Variants in SGCG observed in about 807,000 individuals in gnomAD.
SGCG encodes gamma-sarcoglycan.
Under a neutral mutation model 29.3 loss-of-function variants are expected in SGCG, and 26 were observed. The observed-to-expected ratio is 0.89, with a 90% confidence interval of 0.65 to 1.23. The LOEUF (loss-of-function observed/expected upper bound fraction) is 1.23, where lower values mean the gene tolerates loss of function less well. Among genes scored for constraint, SGCG ranks in the 50% most tolerant of loss-of-function variants. The probability of loss-of-function intolerance (pLI) is 0.00; values close to 1 mark genes in which losing one functional copy is unlikely to be tolerated. For synonymous variants in SGCG, 145 were observed against 129.7 expected (o/e 1.12, Z -0.80); for missense variants, 353 against 356.0 (o/e 0.99, Z 0.07).
At chr13:23,274,359 A>G (rs1040020216) in intron 4 of SGCG, among the ~76,000 whole-genome samples, 18 of 149,074 alleles carry the variant, frequency 1.2e-4, no homozygotes, top group African/African-American at 4.2e-4. Flanking sequence ...TCTGCCTTTA[A>G]GTAATGCAAG....
chr13:23,236,834 C>A lies in SGCG; in HGVS notation c.297+2122C>A, dbSNP rs139812370. Among the ~76,000 whole-genome samples the A allele has an allele frequency of 1.4e-3, 213 of 152,028 alleles. 2 individuals carry two copies. Among genetic ancestry groups the A allele is most frequent in the African/African-American group, 4.9e-3 (204 of 41,398 alleles). On this transcript the variant is annotated intron_variant, in intron 3 of 7. Coordinates refer to ENST00000218867, the MANE Select transcript of SGCG (RefSeq NM_000231.3). The stretch of plus-strand genomic sequence containing the variant: ...ATGTGGCATTAATGAGTATGTCAAT[C>A]AACACATAAAATTCAGTAACAATTT...
intron 6 of SGCG, among the ~76,000 whole-genome samples, chr13:23,320,111 C>A (rs904219411): frequency 2.0e-4 from 31 of 152,114 alleles, no homozygotes; most frequent in African/African-American, 7.2e-4. Context: ...CATGTGTTGT[C>A]CTTAAATCTA....
intron 6 of SGCG, among the ~76,000 whole-genome samples, chr13:23,296,342 T>A (rs1317760092): frequency 6.6e-6 from 1 of 152,222 alleles, no homozygotes; most frequent in East Asian, 1.9e-4. Flanking sequence ...AAAATAACAT[T>A]ATAAAAACCA....
chr13:23,265,969 T>C (rs903525567), intron 4 of SGCG, among the ~76,000 whole-genome samples: 1 of 152,116 alleles, frequency 6.6e-6, no homozygotes, highest in African/African-American at 2.4e-5. Context: ...CACACACATG[T>C]TTATCACAGC....
At chr13:23,188,044 C>G (rs1877064234) in intron 1 of SGCG, among the ~76,000 whole-genome samples, 1 of 152,190 alleles carries the variant, frequency 6.6e-6, no homozygotes, top group Non-Finnish European at 1.5e-5. Flanking sequence ...GTATGTGCAG[C>G]CCTGATGCAG....
chr13:23,184,544 C>A (rs1876892437), intron 1 of SGCG, among the ~76,000 whole-genome samples: 1 of 152,174 alleles, frequency 6.6e-6, no homozygotes, highest in African/African-American at 2.4e-5. Context: ...CTCTGTTCTC[C>A]TTTGTAAATA....
At chr13:23,244,028 C>T (rs538960035) in intron 3 of SGCG, 2 of 151,904 alleles carry the variant, frequency 1.3e-5, no homozygotes, top group African/African-American at 4.8e-5. Context: ...GACTATTTTC[C>T]TTTTGAAACA....
the SGCG span, among the ~76,000 whole-genome samples, chr13:23,173,560 T>G: frequency 6.6e-6 from 1 of 152,244 alleles, no homozygotes; most frequent in Non-Finnish European, 1.5e-5. Flanking sequence ...TGTTCAGTTC[T>G]GCTATTTTCC....
chr13:23,223,017 G>C (rs541246077), intron 2 of SGCG, among the ~76,000 whole-genome samples: 1 of 152,002 alleles, frequency 6.6e-6, no homozygotes, highest in East Asian at 1.9e-4. Flanking sequence ...AGTGGCTCAC[G>C]CCTGTAATCC....
chr13:23,278,082 C>T (rs1390123935), intron 4 of SGCG, among the ~76,000 whole-genome samples: 2 of 152,068 alleles, frequency 1.3e-5, no homozygotes, highest in Admixed American at 1.3e-4. Flanking sequence ...GATTGGCTCG[C>T]CTTGGCCTGG....
chr13:23,171,820 C>T, the SGCG span, among the ~76,000 whole-genome samples: 6 of 152,194 alleles, frequency 3.9e-5, no homozygotes, highest in African/African-American at 1.4e-4. Flanking sequence ...CATTAATGCT[C>T]ACTCACCAGC....
At chr13:23,290,718 A>G (rs548254273) in intron 5 of SGCG, among the ~76,000 whole-genome samples, 4 of 152,206 alleles carry the variant, frequency 2.6e-5, no homozygotes, top group African/African-American at 9.6e-5. Flanking sequence ...TAAATGCTCA[A>G]TGAAGGTGTA....
rs532874190 is a variant in SGCG, at chr13:23,303,581, C to T, written c.578+8094C>T. Among the ~76,000 whole-genome samples, 10 of 152,288 alleles carry T rather than the reference C, an allele frequency of 6.6e-5. No individual in the cohort carries two copies. The South Asian group carries it at 1.0e-3, about 16-fold the overall frequency. On this transcript the variant is annotated intron_variant, in intron 6 of 7. Transcript: ENST00000218867. Reference sequence around the variant, plus strand: ...TAATGGAGTCTGTGGGGCACAGGATCAGAGAAGAGGGCATATGCCAGGAAA... The same window carrying T: ...TAATGGAGTCTGTGGGGCACAGGATTAGAGAAGAGGGCATATGCCAGGAAA...
intron 3 of SGCG, among the ~76,000 whole-genome samples, 154 bp from the exon 4 acceptor site, chr13:23,250,476 A>AT: frequency 6.6e-6 from 1 of 152,304 alleles, no homozygotes; most frequent in South Asian, 2.1e-4. Context: ...TGATTCAGGA[A>AT]TTTTTAATTG....
At chr13:23,180,172 G>A (rs539658452), upstream of SGCG, among the ~76,000 whole-genome samples, 5 of 152,146 alleles carry the variant, frequency 3.3e-5, no homozygotes, top group Non-Finnish European at 7.4e-5. Context: ...TAATCCTGCT[G>A]CAAACCAGGT....
intron 6 of SGCG, among the ~76,000 whole-genome samples, chr13:23,304,960 C>T (rs1882308841): frequency 8.0e-6 from 1 of 124,920 alleles, no homozygotes; most frequent in Non-Finnish European, 1.8e-5. Flanking sequence ...CGTGCACGTG[C>T]TCACAGGCTT....
At chr13:23,302,790 T>C (rs1476560372) in intron 6 of SGCG, among the ~76,000 whole-genome samples, 3 of 152,190 alleles carry the variant, frequency 2.0e-5, no homozygotes, top group Non-Finnish European at 4.4e-5. Flanking sequence ...CTAATAAATA[T>C]AGCTTATTAA....
chr13:23,229,977 G>A (rs1879044622), intron 2 of SGCG, among the ~76,000 whole-genome samples: 1 of 152,050 alleles, frequency 6.6e-6, no homozygotes, highest in Non-Finnish European at 1.5e-5. Flanking sequence ...TGTAAGGAAG[G>A]GGTCCAGTTT....
intron 1 of SGCG, among the ~76,000 whole-genome samples, chr13:23,191,133 T>C (rs557091293): frequency 6.6e-6 from 1 of 152,346 alleles, no homozygotes; most frequent in East Asian, 1.9e-4. Flanking sequence ...CTTCTTCATT[T>C]GACATCGAAA....
Sources: gnomAD v4.1 joint callset for allele counts (sites outside exome capture counted in the v4.1 genomes callset) on GRCh38, gnomAD v4.1.1 for gene constraint, MANE v1.5 for transcripts, NCBI Gene and HGNC (gene_info 2026-07-23, HGNC 2026-07-21) for gene names.